The following LRRIQ1 variants were observed in gnomAD, a reference collection of about 807,000 sequenced individuals.
LRRIQ1 encodes leucine rich repeats and IQ motif containing 1.
A neutral mutation model predicts 211.9 loss-of-function variants in LRRIQ1; 210 were observed. The ratio of observed to expected loss-of-function variants is 0.99; its 90% CI spans 0.89 to 1.11. The LOEUF is 1.11. Ranked by LOEUF, LRRIQ1 falls within the 50% of genes most tolerant of loss-of-function variation. LRRIQ1 has a pLI of 0.00. For synonymous variants in LRRIQ1, 699 were observed against 650.1 expected, an observed-to-expected ratio of 1.08 and a Z score of -1.14; for missense variants, 2,136 against 1,939.5, an observed-to-expected ratio of 1.10 and a Z score of -1.90.
chr12:85,153,612 G>A, intron 21 of LRRIQ1, 51 bp from the exon 22 acceptor site: 1 of 1,122,918 alleles, frequency 8.9e-7, no homozygotes, highest in Non-Finnish European at 1.3e-6. Context: ...TTTAAAAAGT[G>A]CTGATATACT....
intron 3 of LRRIQ1, among the ~76,000 whole-genome samples, chr12:85,043,113 T>A (rs1326745100): frequency 6.6e-6 from 1 of 152,128 alleles, no homozygotes; most frequent in East Asian, 1.9e-4. Context: ...CAGTAAGGTT[T>A]TTTGTTTATT....
chr12:85,250,268 A>G (rs1895867362), intron 1 of LRRIQ1, among the ~76,000 whole-genome samples: 1 of 151,882 alleles, frequency 6.6e-6, no homozygotes, highest in South Asian at 2.1e-4. Flanking sequence ...GACATTCGAC[A>G]TCTATCATAT....
At chr12:85,244,242 A>G (rs1043918365) in intron 26 of LRRIQ1, among the ~76,000 whole-genome samples, 4 of 151,532 alleles carry the variant, frequency 2.6e-5, no homozygotes, top group Non-Finnish European at 5.9e-5. Context: ...CTATATATTT[A>G]TAATTATCCC....
chr12:85,218,621 A>G (rs1894263221), intron 24 of LRRIQ1, among the ~76,000 whole-genome samples: 1 of 152,100 alleles, frequency 6.6e-6, no homozygotes, highest in Non-Finnish European at 1.5e-5. Context: ...TACAGACCCT[A>G]GTTTTACAGA....
intron 12 of LRRIQ1, 42 bp downstream of exon 12, chr12:85,098,590 C>G (rs201464742): frequency 5.3e-5 from 78 of 1,470,830 alleles, no homozygotes; most frequent in Non-Finnish European, 6.9e-5. Context: ...TAAAGCAACA[C>G]TTTTCTTTTG....
chr12:85,112,799 C>T (rs1374290153), intron 15 of LRRIQ1, among the ~76,000 whole-genome samples: 1 of 152,074 alleles, frequency 6.6e-6, no homozygotes, highest in Non-Finnish European at 1.5e-5. Context: ...CTCTCATTCT[C>T]TTATAGATAA....
chr12:85,175,976 C>T (rs1891678260), intron 24 of LRRIQ1, among the ~76,000 whole-genome samples: 1 of 152,226 alleles, frequency 6.6e-6, no homozygotes, highest in African/African-American at 2.4e-5. Context: ...TTAGGATTGA[C>T]TTGGCGGTGC....
At chr12:85,047,117 G>A (rs1879689070) in intron 5 of LRRIQ1, 130 bp from the exon 6 acceptor site, 10 of 591,388 alleles carry the variant, frequency 1.7e-5, no homozygotes, top group South Asian at 7.6e-5. Context: ...AAACCTGCAC[G>A]TTGTGCACAT....
At position 85,243,648 on chromosome 12, in the gene LRRIQ1, C is replaced by T. The variant is rs559308287; in HGVS notation, c.5017-1141C>T. ...TTAAAACATTGTGTTGTACATGATA[C>T]ATGTATACAATTTTTGTTTGTCAAT... On this transcript the variant is annotated intron_variant, in intron 26 of 26. Coordinates refer to ENST00000393217, the MANE Select transcript of LRRIQ1 (RefSeq NM_001079910.2). 6.0e-5 allele frequency among the ~76,000 whole-genome samples: 9 copies of T among 151,060 alleles called. No individual in the cohort carries two copies. In the East Asian group the frequency reaches 1.6e-3, roughly 26 times the overall value.
At chr12:85,162,890 G>A (rs1251562543) in intron 24 of LRRIQ1, 7 of 413,594 alleles carry the variant, frequency 1.7e-5, no homozygotes, top group Non-Finnish European at 2.8e-5. Context: ...GTTGTTGTTT[G>A]TTTAGGAATA....
intron 23 of LRRIQ1, among the ~76,000 whole-genome samples, chr12:85,158,889 A>G (rs201670540): frequency 1.1e-5 from 1 of 92,228 alleles, no homozygotes; most frequent in Non-Finnish European, 2.8e-5. Flanking sequence ...TTGTGTTTTT[A>G]TTTATTTATT....
intron 11 of LRRIQ1, among the ~76,000 whole-genome samples, chr12:85,075,794 A>G (rs1200511908): frequency 6.6e-6 from 1 of 152,012 alleles, no homozygotes; most frequent in East Asian, 1.9e-4. Flanking sequence ...ATGAGACTGC[A>G]GTGAACTGTG....
At chr12:85,247,301 C>T (rs1394253483), downstream of LRRIQ1, among the ~76,000 whole-genome samples, 7 of 151,640 alleles carry the variant, frequency 4.6e-5, no homozygotes, top group African/African-American at 1.7e-4. Context: ...AGCTTTCTCT[C>T]TCTGTCTCAA....
At chr12:85,153,190 C>T in intron 21 of LRRIQ1, 45 bp downstream of exon 21, 2 of 1,508,108 alleles carry the variant, frequency 1.3e-6, no homozygotes, top group Non-Finnish European at 1.8e-6. Flanking sequence ...TGAATGACAA[C>T]AGTATTACAT....
chr12:85,140,023 A>G (rs529243584), intron 19 of LRRIQ1, among the ~76,000 whole-genome samples: 1 of 151,392 alleles, frequency 6.6e-6, no homozygotes, highest in South Asian at 2.1e-4. Flanking sequence ...TTCTACTTCT[A>G]TGTAATGAAA....
intron 11 of LRRIQ1, among the ~76,000 whole-genome samples, chr12:85,087,020 T>C (rs1378387678): frequency 6.6e-6 from 1 of 152,022 alleles, no homozygotes; most frequent in Admixed American, 6.6e-5. Flanking sequence ...TGTATACATG[T>C]GCCATGTTGG....
Position 85,098,563 on chromosome 12 carries a change from T to C in LRRIQ1, c.3081+15T>C, listed in dbSNP as rs756957207. 10 of 1,576,320 alleles carry C rather than the reference T, an allele frequency of 6.3e-6. No homozygotes were observed. In the East Asian group the frequency reaches 1.8e-4, roughly 29 times the overall value. ...ATCTGAGTGAGGTAATTGCTTTGAA[T>C]TAATTGATTTCTGTGATAAAGCAAC... On this transcript the variant is annotated intron_variant, in intron 12 of 26. Coordinates refer to ENST00000393217, the MANE Select transcript of LRRIQ1 (RefSeq NM_001079910.2).
At chr12:85,120,995 G>C (rs1887938392) in intron 15 of LRRIQ1, among the ~76,000 whole-genome samples, 1 of 151,778 alleles carries the variant, frequency 6.6e-6, no homozygotes, top group Non-Finnish European at 1.5e-5. Context: ...TTGAGATGGA[G>C]CCTCGCTCTG....
At chr12:85,051,647 G>T (rs1451491339) in intron 6 of LRRIQ1, among the ~76,000 whole-genome samples, 2 of 151,774 alleles carry the variant, frequency 1.3e-5, no homozygotes, top group Non-Finnish European at 2.9e-5. Context: ...CTAGATTTTG[G>T]GTAATGTGTA....
Sources: allele counts gnomAD v4.1 joint callset (sites outside exome capture counted in the v4.1 genomes callset), GRCh38; gene constraint gnomAD v4.1.1; transcripts MANE v1.5; gene names NCBI Gene and HGNC (gene_info 2026-07-23, HGNC 2026-07-21).